The following CCDC122 variants were observed in gnomAD, a reference collection of about 807,000 sequenced individuals.
CCDC122 encodes coiled-coil domain-containing protein 122.
A neutral mutation model predicts 37.0 loss-of-function variants in CCDC122; 38 were observed. The observed-to-expected ratio is 1.03, with a 90% CI of 0.79 to 1.35. The LOEUF is 1.35. Ranked by LOEUF, CCDC122 falls within the 40% of genes most tolerant of loss-of-function variation. The probability of loss-of-function intolerance (pLI) is 0.00; values close to 1 mark genes in which losing one functional copy is unlikely to be tolerated. For missense variants in CCDC122, 305 were observed against 310.0 expected, an observed-to-expected ratio of 0.98 and a Z score of 0.12; for synonymous variants, 83 against 95.6, an observed-to-expected ratio of 0.87 and a Z score of 0.77.
At chr13:43,847,857 C>T (rs1368360299) in intron 6 of CCDC122, among the ~76,000 whole-genome samples, 3 of 152,168 alleles carry the variant, frequency 2.0e-5, no homozygotes, top group African/African-American at 7.2e-5. Flanking sequence ...TCATTGCAAC[C>T]TCTTCCTCCC....
chr13:43,865,107 C>T (rs1429153226), intron 4 of CCDC122, among the ~76,000 whole-genome samples: 1 of 152,130 alleles, frequency 6.6e-6, no homozygotes, highest in Non-Finnish European at 1.5e-5. Flanking sequence ...ATCATCTCTT[C>T]CATTTGGCTA....
Position 43,837,149 on chromosome 13 carries a change from G to A in CCDC122, c.*131C>T, listed in dbSNP as rs1413687501. The A allele has an allele frequency of 2.4e-5, 21 of 858,856 alleles. No homozygotes were observed. The East Asian group carries it at 3.6e-4, about 15-fold the overall frequency. 53.2% of individuals were successfully genotyped at this position (858,856 alleles called of 1,614,324 possible). On this transcript the variant is annotated 3_prime_UTR_variant, in exon 7 of 7. Coordinates refer to ENST00000444614, the MANE Select transcript of CCDC122 (RefSeq NM_144974.5). ...GACTGATTTAAAAAAAACAACAACC[G>A]AAGACATCTGTCATTAAGACAGGTC...
At chr13:43,851,700 G>A (rs1372161203) in intron 6 of CCDC122, among the ~76,000 whole-genome samples, 1 of 152,136 alleles carries the variant, frequency 6.6e-6, no homozygotes, top group Non-Finnish European at 1.5e-5. Context: ...GAACACTTTG[G>A]CTGACACAAC....
chr13:43,869,218 A>T, intron 3 of CCDC122, 113 bp downstream of exon 3: 1 of 792,370 alleles, frequency 1.3e-6, no homozygotes, highest in East Asian at 2.6e-5. Context: ...GCTAAATGTA[A>T]CTGCTTCCAT....
chr13:43,852,258 C>G (rs1363335947), intron 6 of CCDC122, among the ~76,000 whole-genome samples: 1 of 152,020 alleles, frequency 6.6e-6, no homozygotes, highest in Non-Finnish European at 1.5e-5. Context: ...CAGGAGCTGA[C>G]AGACAAAATA....
intron 6 of CCDC122, among the ~76,000 whole-genome samples, chr13:43,845,484 G>A (rs1953488408): frequency 6.6e-6 from 1 of 152,230 alleles, no homozygotes; most frequent in East Asian, 1.9e-4. Context: ...GCTGAGGCAG[G>A]TAGACCACCT....
At chr13:43,848,175 C>T (rs1314106973) in intron 6 of CCDC122, among the ~76,000 whole-genome samples, 2 of 152,192 alleles carry the variant, frequency 1.3e-5, no homozygotes, top group African/African-American at 4.8e-5. Flanking sequence ...CTGTGTATTA[C>T]ATCATACTAA....
intron 6 of CCDC122, among the ~76,000 whole-genome samples, chr13:43,850,147 T>C (rs1288349080): frequency 6.6e-6 from 1 of 152,152 alleles, no homozygotes; most frequent in Admixed American, 6.5e-5. Flanking sequence ...CAGACTAGTC[T>C]TTCCCCCTTC....
chr13:43,863,966 T>C (rs898277344), intron 4 of CCDC122, among the ~76,000 whole-genome samples: 1 of 152,234 alleles, frequency 6.6e-6, no homozygotes, highest in Non-Finnish European at 1.5e-5. Context: ...AGATATTTTT[T>C]GTTTTAACTC....
At chr13:43,864,259 A>G (rs1210871731) in intron 4 of CCDC122, among the ~76,000 whole-genome samples, 13 of 152,208 alleles carry the variant, frequency 8.5e-5, no homozygotes, top group Non-Finnish European at 1.9e-4. Flanking sequence ...AAAATCAGGT[A>G]GTGTGGTAAC....
intron 2 of CCDC122, among the ~76,000 whole-genome samples, chr13:43,871,170 C>G (rs536583637): frequency 1.8e-4 from 27 of 152,200 alleles, no homozygotes; most frequent in African/African-American, 6.5e-4. Flanking sequence ...TTTTGTATTC[C>G]TATGATGCTA....
chr13:43,872,724 G>A (rs545017110), intron 2 of CCDC122, among the ~76,000 whole-genome samples: 2 of 152,028 alleles, frequency 1.3e-5, no homozygotes, highest in South Asian at 4.1e-4. Flanking sequence ...TTACTTCTTT[G>A]AATGGTCCCT....
intron 6 of CCDC122, among the ~76,000 whole-genome samples, chr13:43,850,216 C>T (rs1391440448): frequency 6.6e-6 from 1 of 152,128 alleles, no homozygotes; most frequent in Admixed American, 6.5e-5. Flanking sequence ...CAATGGCCAC[C>T]TGGAAATAGT....
chr13:43,860,082 TTTAACA>T lies in CCDC122; in HGVS notation c.157-18_157-13del, dbSNP rs1954056917. On this transcript the variant is annotated splice_polypyrimidine_tract_variant and intron_variant, in intron 4 of 6. Transcript: ENST00000444614. ...TCATGAAGTTCATTCTGTAATACATTTTAACATTATCATTATTAATTCAAAATATTA... is the reference window on the plus strand; with the variant it reads ...TCATGAAGTTCATTCTGTAATACATTTTATCATTATTAATTCAAAATATTA... The T allele has an allele frequency of 7.4e-7, 1 of 1,349,378 alleles. No individual in the cohort carries two copies. Among genetic ancestry groups the T allele is most frequent in the Non-Finnish European group, 9.8e-7 (1 of 1,019,066 alleles). 83.6% of individuals were successfully genotyped at this position (1,349,378 alleles called of 1,614,324 possible).
chr13:43,828,677 A>G (rs535116529), intron 3 of CCDC122, among the ~76,000 whole-genome samples: 1 of 152,240 alleles, frequency 6.6e-6, no homozygotes, highest in South Asian at 2.1e-4. Context: ...TACCTAACAC[A>G]GAGGAGGTAT....
At chr13:43,825,461 G>A (rs1352347163) in intron 3 of CCDC122, among the ~76,000 whole-genome samples, 1 of 151,064 alleles carries the variant, frequency 6.6e-6, no homozygotes, top group Non-Finnish European at 1.5e-5. Flanking sequence ...TAAAGATAGA[G>A]ATTGGGGACT....
At chr13:43,868,062 G>A (rs1010653163) in intron 4 of CCDC122, among the ~76,000 whole-genome samples, 5 of 104,228 alleles carry the variant, frequency 4.8e-5, no homozygotes, top group Non-Finnish European at 6.7e-5. Context: ...ACAAATTCAC[G>A]GAACAAAAAG....
downstream of CCDC122, among the ~76,000 whole-genome samples, chr13:43,831,371 T>C (rs1261918799): frequency 6.6e-6 from 1 of 152,150 alleles, no homozygotes; most frequent in East Asian, 1.9e-4. Context: ...TAATGCAAAT[T>C]GTAGGCTTGC....
In CCDC122 at chr13:43,858,806, T is replaced by C. The variant is rs1255644967; in HGVS notation, c.647A>G (p.His216Arg). 7.0e-7 allele frequency: 1 copy of C among 1,426,320 alleles called. No homozygotes were observed. Among genetic ancestry groups the C allele is most frequent in the African/African-American group, 1.4e-5 (1 of 69,440 alleles). The allele number at this position is 1,426,320 out of a possible 1,614,324, so 88.4% of individuals were successfully genotyped here. Residue 216 changes from histidine to arginine, a missense_variant, in exon 6 of 7, where the codon CAT (histidine) becomes CGT (arginine). His to Arg is a conservative substitution (Grantham distance 29). Coordinates refer to ENST00000444614, the MANE Select transcript of CCDC122 (RefSeq NM_144974.5). ...TCFLEEEKKT[H>R]EKLRKEIEVQ... ...CTCTATTTCTTTTCTTAATTTTTCATGTGTCTTTTTTTCTTCCTCAAGAAA... is the reference window on the plus strand; with the variant it reads ...CTCTATTTCTTTTCTTAATTTTTCACGTGTCTTTTTTTCTTCCTCAAGAAA...
Sources: allele counts gnomAD v4.1 joint callset (sites outside exome capture counted in the v4.1 genomes callset), GRCh38; gene constraint gnomAD v4.1.1; transcripts MANE v1.5; gene names NCBI Gene and HGNC (gene_info 2026-07-23, HGNC 2026-07-21).